The following CA10 variants were observed in gnomAD, a reference collection of about 807,000 sequenced individuals.
The protein encoded by CA10 is carbonic anhydrase-related protein 10.
In CA10, 14 loss-of-function variants were observed where a neutral mutation model predicts 44.2. That is an observed-to-expected ratio of 0.32 (90% CI 0.21 to 0.50). The LOEUF (loss-of-function observed/expected upper bound fraction) is 0.50, where lower values mean the gene tolerates loss of function less well. Ranked by LOEUF, CA10 falls within the 20% of genes least tolerant of loss-of-function variation. CA10 has a pLI of 0.99. For synonymous variants in CA10, 159 were observed against 141.6 expected, an observed-to-expected ratio of 1.12 and a Z score of -0.87; for missense variants, 350 against 409.7, an observed-to-expected ratio of 0.85 and a Z score of 1.26.
chr17:52,046,308 T>TAA lies in CA10; in HGVS notation c.136+26009_136+26010dup, dbSNP rs35690751. ...ATTGACAAAATTGGTAAGCTTCTAG[T>TAA]AAAAAAAAAAAGAATTTAATAGGAA... On this transcript the variant is annotated intron_variant, in intron 2 of 8. Coordinates refer to ENST00000451037, the MANE Select transcript of CA10 (RefSeq NM_020178.5). 3.3e-3 allele frequency among the ~76,000 whole-genome samples: 482 copies of TAA among 145,644 alleles called. 1 individual carries two copies. Among genetic ancestry groups the TAA allele is most frequent in the Middle Eastern group, 0.014 (4 of 280 alleles).
intron 4 of CA10, among the ~76,000 whole-genome samples, chr17:51,731,144 C>A (rs1451652108): frequency 2.0e-5 from 3 of 152,056 alleles, no homozygotes; most frequent in Non-Finnish European, 2.9e-5. Context: ...TTTGGGAGGC[C>A]AAGGTGGGTA....
At position 51,849,257 on chromosome 17, in the gene CA10, AT is replaced by A. The variant is rs1394834584; in HGVS notation, c.279+81732del. On this transcript the variant is annotated intron_variant, in intron 3 of 8. Coordinates refer to ENST00000451037, the MANE Select transcript of CA10 (RefSeq NM_020178.5). Reference sequence around the variant, plus strand: ...TGTATATATATATATATATATATATATATATATAAAACTAAGTTTTTTGGAG... The same window carrying A: ...TGTATATATATATATATATATATATAATATATAAAACTAAGTTTTTTGGAG... Among the ~76,000 whole-genome samples, 35 of 136,272 alleles carry A rather than the reference AT, an allele frequency of 2.6e-4. 1 individual carries two copies. The highest frequency in any genetic ancestry group is 8.4e-4 in the African/African-American group (32 of 38,168). 89.4% of individuals were successfully genotyped at this position (136,272 alleles called of 152,430 possible). A position where few individuals can be genotyped will look rare whatever the true frequency, so the allele number is the denominator to read the frequency against.
intron 3 of CA10, among the ~76,000 whole-genome samples, chr17:51,838,260 C>A (rs554125030): frequency 1.3e-5 from 2 of 152,348 alleles, no homozygotes; most frequent in Admixed American, 6.5e-5. Context: ...TAGGGCATTT[C>A]TACTAAACCA....
intron 2 of CA10, among the ~76,000 whole-genome samples, chr17:51,955,880 G>A (rs1317639187): frequency 6.6e-6 from 1 of 151,996 alleles, no homozygotes; most frequent in African/African-American, 2.4e-5. Context: ...TAATGCATGC[G>A]GGGCTTAAAA....
In CA10 at chr17:52,019,433, C is replaced by T. The variant is rs145960491; in HGVS notation, c.136+52886G>A. ...TTATCTTTGACTGATTCACCCTCTC[C>T]GAATACTGGGAGAGAAGGGTTATTT... is the stretch of plus-strand genomic sequence containing the variant. On this transcript the variant is annotated intron_variant, in intron 2 of 8. Transcript: ENST00000451037. Among the ~76,000 whole-genome samples, 161 of 152,140 alleles carry T rather than the reference C, an allele frequency of 1.1e-3. 2 individuals carry two copies. Among genetic ancestry groups the T allele is most frequent in the African/African-American group, 3.6e-3 (148 of 41,542 alleles).
At chr17:51,792,554 T>A (rs1179699158) in intron 3 of CA10, among the ~76,000 whole-genome samples, 1 of 152,224 alleles carries the variant, frequency 6.6e-6, no homozygotes, top group Non-Finnish European at 1.5e-5. Flanking sequence ...TAGCCTTAGT[T>A]GCTAGATTTG....
chr17:52,131,097 TTTTTA>T, intron 1 of CA10, among the ~76,000 whole-genome samples: 1 of 150,934 alleles, frequency 6.6e-6, no homozygotes, highest in African/African-American at 2.4e-5. Context: ...ACTATATTTA[TTTTTA>T]TTTTATTTTT....
At position 51,964,330 on chromosome 17, in the gene CA10, C is replaced by T. The variant is rs186884579; in HGVS notation, c.137-33198G>A. ...AATAATCATCAGGGACTTCAGTACCCCAATGACAGCATTAGATGGATCATC... is the reference window on the plus strand; with the variant it reads ...AATAATCATCAGGGACTTCAGTACCTCAATGACAGCATTAGATGGATCATC... On this transcript the variant is annotated intron_variant, in intron 2 of 8. Transcript: ENST00000451037. Among the ~76,000 whole-genome samples, 39 of 152,084 alleles carry T rather than the reference C, an allele frequency of 2.6e-4. No individual in the cohort carries two copies. In the East Asian group the frequency reaches 2.7e-3, roughly 11 times the overall value.
intron 3 of CA10, among the ~76,000 whole-genome samples, chr17:51,826,737 T>C (rs1471197244): frequency 6.6e-6 from 1 of 152,060 alleles, no homozygotes; most frequent in African/African-American, 2.4e-5. Flanking sequence ...GAGACTGGAG[T>C]GAGGAAGGAA....
At chr17:51,910,432 C>A (rs1189696630) in intron 3 of CA10, among the ~76,000 whole-genome samples, 1 of 152,102 alleles carries the variant, frequency 6.6e-6, no homozygotes, top group African/African-American at 2.4e-5. Context: ...TCTACCCTGC[C>A]TCATTCCACA....
intron 2 of CA10, among the ~76,000 whole-genome samples, chr17:52,008,528 G>A (rs781124994): frequency 5.9e-5 from 9 of 151,676 alleles, no homozygotes; most frequent in Non-Finnish European, 1.2e-4. Context: ...CTCTGCTAGA[G>A]CTTTTCTAAT....
At chr17:52,074,586 C>G (rs1987768423) in intron 1 of CA10, among the ~76,000 whole-genome samples, 1 of 135,330 alleles carries the variant, frequency 7.4e-6, no homozygotes, top group African/African-American at 2.8e-5. Flanking sequence ...TTTCATTACC[C>G]CAAATAAATA....
intron 4 of CA10, among the ~76,000 whole-genome samples, chr17:51,728,284 C>CT (rs879908587): frequency 9.4e-4 from 139 of 147,432 alleles, no homozygotes; most frequent in East Asian, 8.2e-3. Context: ...CTTCCCTTAA[C>CT]TTTTTTTTTT....
intron 1 of CA10, among the ~76,000 whole-genome samples, chr17:52,132,939 G>A: frequency 6.6e-6 from 1 of 152,136 alleles, no homozygotes; most frequent in Admixed American, 6.5e-5. Context: ...ATATGGGGTG[G>A]AATTACAGGG....
intron 2 of CA10, among the ~76,000 whole-genome samples, chr17:52,043,926 T>G (rs1319934224): frequency 2.0e-5 from 3 of 152,110 alleles, no homozygotes; most frequent in Non-Finnish European, 2.9e-5. Flanking sequence ...GGTGTATGAT[T>G]CTATTAATGT....
chr17:51,814,774 C>A (rs1907501844), intron 3 of CA10, among the ~76,000 whole-genome samples: 1 of 152,088 alleles, frequency 6.6e-6, no homozygotes, highest in African/African-American at 2.4e-5. Flanking sequence ...ATTTAACAAC[C>A]TTTTTTGTTC....
At chr17:51,946,360 T>G (rs1348004645) in intron 2 of CA10, among the ~76,000 whole-genome samples, 1 of 152,210 alleles carries the variant, frequency 6.6e-6, no homozygotes, top group Non-Finnish European at 1.5e-5. Context: ...TGATTTAGTT[T>G]AACTACTTCA....
chr17:51,753,414 CT>C (rs1219014550), intron 3 of CA10, among the ~76,000 whole-genome samples: 1 of 152,124 alleles, frequency 6.6e-6, no homozygotes, highest in Admixed American at 6.5e-5. Flanking sequence ...ATGGGGTCAT[CT>C]TTTTTCATTC....
At chr17:51,700,547 C>T (rs1428910028) in intron 4 of CA10, among the ~76,000 whole-genome samples, 2 of 152,178 alleles carry the variant, frequency 1.3e-5, no homozygotes, top group East Asian at 3.9e-4. Context: ...TGTTCCCCAC[C>T]TGTGCTTGGC....
Sources: allele counts gnomAD v4.1 joint callset (sites outside exome capture counted in the v4.1 genomes callset), GRCh38; gene constraint gnomAD v4.1.1; transcripts MANE v1.5; gene names NCBI Gene and HGNC (gene_info 2026-07-23, HGNC 2026-07-21).